Variants in PKHD1 observed in about 807,000 individuals in gnomAD.
PKHD1 encodes the protein PKHD1 ciliary IPT domain containing fibrocystin/polyductin.
In PKHD1, 291 loss-of-function variants were observed where a neutral mutation model predicts 412.0. The observed-to-expected ratio is 0.71, with a 90% CI of 0.64 to 0.78. PKHD1 has a LOEUF of 0.78. PKHD1 is among the 30% of genes least tolerant of loss of function. PKHD1 has a pLI of 0.00. For synonymous variants in PKHD1, 1,777 were observed against 1,821.5 expected (o/e 0.98, Z 0.62); for missense variants, 4,825 against 4,950.7 (o/e 0.97, Z 0.76).
At chr6:51,905,669 A>T (rs184525952) in intron 41 of PKHD1, among the ~76,000 whole-genome samples, 58 of 152,334 alleles carry the variant, frequency 3.8e-4, no homozygotes, top group African/African-American at 1.4e-3. Flanking sequence ...ATTCTATTTT[A>T]AAAGCAATAA....
At chr6:51,948,353 C>T (rs1365334306) in intron 36 of PKHD1, among the ~76,000 whole-genome samples, 3 of 152,138 alleles carry the variant, frequency 2.0e-5, no homozygotes, top group Admixed American at 2.0e-4. Flanking sequence ...CCCCATCTGC[C>T]TCTGCTCTCC....
intron 49 of PKHD1, among the ~76,000 whole-genome samples, chr6:51,852,495 G>A (rs1420493498): frequency 6.6e-6 from 1 of 152,178 alleles, no homozygotes; most frequent in Non-Finnish European, 1.5e-5. Flanking sequence ...AATACTGACA[G>A]TGGGGTATTA....
At chr6:51,831,317 C>A (rs1344077795) in intron 51 of PKHD1, among the ~76,000 whole-genome samples, 1 of 152,036 alleles carries the variant, frequency 6.6e-6, no homozygotes, top group Non-Finnish European at 1.5e-5. Flanking sequence ...CAATAACTAC[C>A]TTTTATTTCT....
At chr6:51,647,935 A>G (rs936682656) in intron 63 of PKHD1, 96 bp downstream of exon 63, 2 of 786,948 alleles carry the variant, frequency 2.5e-6, no homozygotes, top group African/African-American at 3.4e-5. Context: ...GAAATTCAGT[A>G]TTACCAATTT....
intron 13 of PKHD1, among the ~76,000 whole-genome samples, chr6:52,064,440 T>G (rs1304451769): frequency 6.6e-6 from 1 of 152,236 alleles, no homozygotes; most frequent in African/African-American, 2.4e-5. Flanking sequence ...CATAACCTGG[T>G]GGCAACATCA....
chr6:51,925,495 T>C (rs1281347661), intron 37 of PKHD1, among the ~76,000 whole-genome samples: 1 of 150,134 alleles, frequency 6.7e-6, no homozygotes, highest in Non-Finnish European at 1.5e-5. Context: ...ATTTCTAACG[T>C]AATTAACATC....
intron 60 of PKHD1, among the ~76,000 whole-genome samples, chr6:51,716,932 T>C (rs542659778): frequency 1.1e-4 from 17 of 152,214 alleles, no homozygotes; most frequent in South Asian, 8.3e-4. Context: ...GCAAATAGCA[T>C]TGAACCCTTG....
intron 53 of PKHD1, among the ~76,000 whole-genome samples, chr6:51,780,788 TC>T (rs1450068870): frequency 6.6e-6 from 1 of 152,184 alleles, no homozygotes; most frequent in Admixed American, 6.5e-5. Flanking sequence ...AGAATACTCT[TC>T]AATGAGTTTT....
chr6:51,721,154 G>A (rs1262503964), intron 60 of PKHD1: 19 of 952,944 alleles, frequency 2.0e-5, no homozygotes, highest in Non-Finnish European at 2.4e-5. Flanking sequence ...CTGGGCACAT[G>A]GGAGTTATTT....
intron 53 of PKHD1, among the ~76,000 whole-genome samples, chr6:51,783,686 T>C (rs1792405886): frequency 6.6e-6 from 1 of 152,130 alleles, no homozygotes; most frequent in Non-Finnish European, 1.5e-5. Flanking sequence ...AAAGCTTTTA[T>C]ATGTTTAAAA....
In PKHD1 at chr6:52,043,051, T is replaced by C. The variant is rs759445762; in HGVS notation, c.2905A>G (p.Thr969Ala). Reference protein sequence around the residue: ...SQFLQVTVNKTSCKVIFSNQT... With the variant: ...SQFLQVTVNKASCKVIFSNQT... ...TTTGAGAAAATAACTTTGCAACTCG[T>C]TTTGTTCACTGTAACCTGCAAGAAC... The change falls in exon 27 of 67, where the codon ACG becomes GCG. Residue 969 changes from threonine (T) to alanine (A), a missense_variant. Physicochemically the swap from Thr to Ala is moderately conservative, Grantham distance 58. Transcript: ENST00000371117. 1.9e-6 allele frequency: 3 copies of C among 1,614,006 alleles called. No homozygotes were observed. The Admixed American group carries it at 5.0e-5, about 27-fold the overall frequency.
At chr6:51,772,302 A>G (rs1201927334) in intron 55 of PKHD1, among the ~76,000 whole-genome samples, 1 of 143,622 alleles carries the variant, frequency 7.0e-6, no homozygotes, top group Non-Finnish European at 1.5e-5. Flanking sequence ...AAATTTCACA[A>G]TATACTTCAT....
At chr6:51,842,878 G>A (rs147643631) in intron 50 of PKHD1, among the ~76,000 whole-genome samples, 56 of 152,306 alleles carry the variant, frequency 3.7e-4, no homozygotes, top group East Asian at 9.7e-4. Context: ...GGAAACCCAC[G>A]TCTGTGAGAC....
intron 37 of PKHD1, among the ~76,000 whole-genome samples, chr6:51,933,869 C>G (rs1198871629): frequency 3.3e-5 from 5 of 152,206 alleles, no homozygotes; most frequent in Non-Finnish European, 7.3e-5. Flanking sequence ...TGAAAGTCAC[C>G]TAACAGTGGG....
Position 51,775,826 on chromosome 6 carries a change from T to C in PKHD1, c.8536A>G (p.Ile2846Val), listed in dbSNP as rs1320557380. ...VFCDRMNGIH[I>V]DPGTIGVYGK... ...CTCTTACCAATTGTTCCTGGGTCAA[T>C]ATGAATTCCATTCATACGGTCACAA... The change falls in exon 54 of 67, where the codon ATT becomes GTT. Residue 2846 changes from isoleucine to valine, a missense_variant. Coordinates refer to ENST00000371117, the MANE Select transcript of PKHD1 (RefSeq NM_138694.4). The C allele has an allele frequency of 1.2e-5, 19 of 1,526,710 alleles. No homozygotes were observed. The highest frequency in any genetic ancestry group is 2.3e-5 in the East Asian group (1 of 44,356). 94.6% of individuals were successfully genotyped at this position (1,526,710 alleles called of 1,614,324 possible). A position where few individuals can be genotyped will look rare whatever the true frequency, so the allele number is the denominator to read the frequency against.
chr6:51,725,989 ACC>A (rs1393947338), intron 60 of PKHD1, among the ~76,000 whole-genome samples: 1 of 152,076 alleles, frequency 6.6e-6, no homozygotes, highest in Admixed American at 6.6e-5. Flanking sequence ...TTGAAAAACA[ACC>A]CCCATTTTAG....
intron 60 of PKHD1, among the ~76,000 whole-genome samples, chr6:51,670,233 G>A (rs1172934749): frequency 6.6e-5 from 10 of 151,792 alleles, no homozygotes; most frequent in Non-Finnish European, 1.3e-4. Flanking sequence ...GGGTGCTCCT[G>A]TATTGGGTGC....
At chr6:51,648,851 A>T (rs1353319648) in intron 62 of PKHD1, among the ~76,000 whole-genome samples, 1 of 152,230 alleles carries the variant, frequency 6.6e-6, no homozygotes, top group African/African-American at 2.4e-5. Context: ...GAGGAAAAGT[A>T]TCAGAATTTT....
intron 60 of PKHD1, among the ~76,000 whole-genome samples, chr6:51,724,245 T>C (rs1403998327): frequency 6.6e-6 from 1 of 152,214 alleles, no homozygotes; most frequent in Non-Finnish European, 1.5e-5. Flanking sequence ...AGACTATTGT[T>C]TGTCCTTAGG....
Sources: gnomAD v4.1 joint callset for allele counts (sites outside exome capture counted in the v4.1 genomes callset) on GRCh38, gnomAD v4.1.1 for gene constraint, MANE v1.5 for transcripts, NCBI Gene and HGNC (gene_info 2026-07-23, HGNC 2026-07-21) for gene names.